The following GTF3C2 variants were observed in gnomAD, a reference collection of about 807,000 sequenced individuals.
GTF3C2 encodes general transcription factor 3C polypeptide 2.
Under a neutral mutation model 117.4 loss-of-function variants are expected in GTF3C2, and 17 were observed. That is an observed-to-expected ratio of 0.14 (90% CI 0.10 to 0.22). The LOEUF (loss-of-function observed/expected upper bound fraction) is 0.22, where lower values mean the gene tolerates loss of function less well. Ranked by LOEUF, GTF3C2 falls within the 10% of genes least tolerant of loss-of-function variation. The pLI is 1.00. For missense variants in GTF3C2, 888 were observed against 1,143.6 expected (o/e 0.78, Z 3.22); for synonymous variants, 437 against 427.0 (o/e 1.02, Z -0.29).
At chr2:27,328,545 C>T in exon 16 of GTF3C2, 1 of 1,609,616 alleles carries the variant, frequency 6.2e-7, no homozygotes, top group Non-Finnish European at 8.5e-7. Flanking sequence ...ATGAGCTCCC[C>T]GGATATATCT....
At chr2:27,326,230 G>A (rs1471088561) in exon 19 of GTF3C2, 1 of 473,242 alleles carries the variant, frequency 2.1e-6, no homozygotes, top group East Asian at 6.8e-5. Context: ...TAAAGAGGAA[G>A]TTTCAGAAGG....
intron 1 of GTF3C2, chr2:27,356,485 G>A: frequency 4.3e-6 from 1 of 234,654 alleles, no homozygotes; most frequent in South Asian, 5.5e-5. Context: ...ACAGGCTTCC[G>A]CGTTACCGAC....
intron 3 of GTF3C2, chr2:27,342,602 G>A: frequency 1.8e-6 from 1 of 569,834 alleles, no homozygotes. Flanking sequence ...GTGAAAAATG[G>A]CATAGGACAT....
chr2:27,342,965 C>T, exon 3 of GTF3C2: 1 of 1,614,164 alleles, frequency 6.2e-7, no homozygotes, highest in Non-Finnish European at 8.5e-7. Flanking sequence ...GACTTTCGAC[C>T]TCGTTTCTTA....
At chr2:27,333,923 G>A in intron 11 of GTF3C2, 51 bp downstream of exon 11, 3 of 1,505,506 alleles carry the variant, frequency 2.0e-6, no homozygotes, top group Non-Finnish European at 2.8e-6. Context: ...TCAGCAAGGT[G>A]AGGCTCTAAG....
chr2:27,341,668 C>G (rs113410663), intron 4 of GTF3C2: 2 of 410,882 alleles, frequency 4.9e-6, no homozygotes, highest in African/African-American at 2.0e-5. Flanking sequence ...GCTGATTGCA[C>G]TGTGAACTTG....
chr2:27,339,423 A>G (rs1239917409), intron 4 of GTF3C2, among the ~76,000 whole-genome samples: 7 of 151,282 alleles, frequency 4.6e-5, no homozygotes, highest in South Asian at 2.1e-4. Flanking sequence ...AAAAAAAAAA[A>G]AAAAGAAAAA....
exon 3 of GTF3C2, chr2:27,342,866 T>C: frequency 1.2e-6 from 2 of 1,613,428 alleles, no homozygotes; most frequent in South Asian, 2.2e-5. Flanking sequence ...CCAGAAGGGG[T>C]CTCAAAGTCC....
intron 4 of GTF3C2, chr2:27,340,797 TTTTTA>T (rs1558618852): frequency 6.6e-6 from 1 of 151,836 alleles, no homozygotes; most frequent in Non-Finnish European, 1.5e-5. Flanking sequence ...ATTTTTTTTT[TTTTTA>T]TTTTTAGTAG....
At chr2:27,342,617 T>C (rs1292387975) in intron 3 of GTF3C2, 1 of 584,498 alleles carries the variant, frequency 1.7e-6, no homozygotes, top group East Asian at 2.8e-5. Flanking sequence ...GGACATAAAG[T>C]ACAGACAATA....
Position 27,329,399 on chromosome 2 carries a change from A to G in GTF3C2, c.1857T>C (p.Leu619=), listed in dbSNP as rs1410578761. 1.2e-6 allele frequency: 2 copies of G among 1,614,084 alleles called. No individual in the cohort carries two copies. Among genetic ancestry groups the G allele is most frequent in the East Asian group, 4.5e-5 (2 of 44,876 alleles). ...CATACCTGTTAGCTTTGCACCATTG[A>G]AGGGTACGCACAGCCTGGTCATGGG... is the stretch of plus-strand genomic sequence containing the variant. Residue 619 remains leucine, a synonymous_variant, in exon 13 of 19, where the codon CTT becomes CTC. Coordinates refer to ENST00000264720, the Ensembl canonical transcript of GTF3C2. The surrounding 1 kb of genome is among the most constrained non-coding windows in gnomAD (Gnocchi z 4.5).
chr2:27,329,673 A>G lies in GTF3C2; in HGVS notation c.1733-150T>C. ...TGGGGATCCTGATTAGCTATCCAAC[A>G]CTCCCTCCAGGGCTTAAAGACTCAA... is the stretch of plus-strand genomic sequence containing the variant. On this transcript the variant is annotated intron_variant, in intron 12 of 18. Transcript: ENST00000264720. The surrounding 1 kb of genome is among the most constrained non-coding windows in gnomAD (Gnocchi z 4.5). 1 of 698,678 alleles carries G rather than the reference A, an allele frequency of 1.4e-6. No homozygotes were observed. The highest frequency in any genetic ancestry group is 1.9e-5 in the South Asian group (1 of 52,984). 43.3% of individuals were successfully genotyped at this position (698,678 alleles called of 1,614,324 possible).
intron 1 of GTF3C2, among the ~76,000 whole-genome samples, chr2:27,354,029 G>GT (rs1422216787): frequency 1.4e-5 from 2 of 141,612 alleles, no homozygotes; most frequent in African/African-American, 5.3e-5. Flanking sequence ...AGCCTATAAC[G>GT]TATGTATAAA....
intron 1 of GTF3C2, among the ~76,000 whole-genome samples, chr2:27,344,786 C>G (rs1680858863): frequency 6.6e-6 from 1 of 151,766 alleles, no homozygotes; most frequent in Non-Finnish European, 1.5e-5. Context: ...GAGTTCAAGA[C>G]CAGTCTGGGC....
chr2:27,341,785 C>T (rs1680740184), intron 4 of GTF3C2, 163 bp downstream of exon 4: 2 of 608,574 alleles, frequency 3.3e-6, no homozygotes, highest in South Asian at 4.2e-5. Flanking sequence ...TTCTTCTGCG[C>T]TCTCCCTAAT....
At chr2:27,335,292 C>T in intron 10 of GTF3C2, 1 of 534,456 alleles carries the variant, frequency 1.9e-6, no homozygotes, top group Middle Eastern at 3.7e-4. Flanking sequence ...ATCTATCAGC[C>T]CAAGCCCTCA....
intron 1 of GTF3C2, among the ~76,000 whole-genome samples, chr2:27,344,291 T>C (rs995291422): frequency 2.6e-5 from 4 of 152,182 alleles, no homozygotes; most frequent in African/African-American, 9.7e-5. Context: ...CCCAAAGTGC[T>C]GGGATTACAG....
At chr2:27,337,279 C>A in exon 7 of GTF3C2, 1 of 1,612,996 alleles carries the variant, frequency 6.2e-7, no homozygotes, top group East Asian at 2.2e-5. Context: ...CTTCAGGTAG[C>A]CCTTCACGTT....
Position 27,327,248 on chromosome 2 carries a change from G to A in GTF3C2, c.2446C>T (p.Leu816=), listed in dbSNP as rs1373431939. ...TGCCCCTCTCCCTCCTGCATGCGCA[G>A]CATTGGTTCTCTACGGAGCAGATCA... The change falls in exon 18 of 19, where the codon CTG becomes TTG. Residue 816 remains leucine (L), a synonymous_variant. Coordinates refer to ENST00000264720, the Ensembl canonical transcript of GTF3C2. The A allele has an allele frequency of 1.9e-6, 3 of 1,608,718 alleles. No homozygotes were observed. In the Admixed American group the frequency reaches 5.0e-5, roughly 27 times the overall value.
Sources: gnomAD v4.1 joint callset for allele counts (sites outside exome capture counted in the v4.1 genomes callset) on GRCh38, gnomAD v4.1.1 for gene constraint, Gnocchi (gnomAD v3.1) non-coding constraint, MANE v1.5 for transcripts, NCBI Gene and HGNC (gene_info 2026-07-23, HGNC 2026-07-21) for gene names.